The following TMEM88 variants were observed in gnomAD, a reference collection of about 807,000 sequenced individuals.
The protein encoded by TMEM88 is transmembrane protein 88.
TMEM88 carries 8 observed loss-of-function variants against 10.0 expected under a neutral mutation model. That is an observed-to-expected ratio of 0.80 (90% CI 0.47 to 1.44). The LOEUF is 1.44. Among genes scored for constraint, TMEM88 ranks in the 40% most tolerant of loss-of-function variants. The probability of loss-of-function intolerance (pLI) is 0.00; values close to 1 mark genes in which losing one functional copy is unlikely to be tolerated. For synonymous variants in TMEM88, 139 were observed against 104.9 expected, an observed-to-expected ratio of 1.33 and a Z score of -1.99; for missense variants, 255 against 217.8, an observed-to-expected ratio of 1.17 and a Z score of -1.07.
chr17:7,855,702 G>T lies in TMEM88; in HGVS notation c.468G>T (p.Lys156Asn), dbSNP rs769062051. The T allele has an allele frequency of 1.0e-5, 16 of 1,572,178 alleles. No individual in the cohort carries two copies. The highest frequency in any genetic ancestry group is 1.7e-4 in the Middle Eastern group (1 of 5,946). The change falls in exon 2 of 2, where the codon AAG becomes AAT. Residue 156 changes from lysine to asparagine, a missense_variant. Transcript: ENST00000301599. Reference protein sequence around the residue: ...PGSQAVPTSGKVWV With the variant: ...PGSQAVPTSGNVWV The stretch of plus-strand genomic sequence containing the variant: ...CCCAGGCCGTTCCCACATCAGGAAA[G>T]GTCTGGGTCTAATGACCCTCGAGTC...
rs373234979 is a variant in TMEM88 at position 7,855,103 on chromosome 17, C to T, written c.29C>T (p.Ala10Val). The T allele has an allele frequency of 2.5e-6, 4 of 1,605,852 alleles. No homozygotes were observed. Among genetic ancestry groups the T allele is most frequent in the Non-Finnish European group, 3.4e-6 (4 of 1,179,588 alleles). MADVPGAQR[A>V]VPGDGPEPRD... ...GCGGATGTCCCCGGGGCACAGCGAG[C>T]GGTTCCTGGTGACGGCCCAGAGCCC... The change falls in exon 1 of 2, where the codon GCG (alanine) becomes GTG (valine). Residue 10 changes from alanine (A) to valine (V), a missense_variant. Coordinates refer to ENST00000301599, the MANE Select transcript of TMEM88 (RefSeq NM_203411.2).
rs1186122612 is a variant in TMEM88 at position 7,855,855 on chromosome 17, T to A, written c.*141T>A. On this transcript the variant is annotated 3_prime_UTR_variant, in exon 2 of 2. Transcript: ENST00000301599. ...TAGCATCCCCTTGGGAGCAGCAGCG[T>A]CAGTGGACCCAGTGCTGAGAAAAGC... 9.9e-6 allele frequency: 14 copies of A among 1,420,658 alleles called. No homozygotes were observed. Among genetic ancestry groups the A allele is most frequent in the Non-Finnish European group, 1.2e-5 (13 of 1,090,424 alleles). 88.0% of individuals were successfully genotyped at this position (1,420,658 alleles called of 1,614,324 possible). A position where few individuals can be genotyped will look rare whatever the true frequency, so the allele number is the denominator to read the frequency against.
At position 7,855,957 on chromosome 17, in the gene TMEM88, C is replaced by A. The variant is rs913829218; in HGVS notation, c.*243C>A. The A allele has an allele frequency of 9.1e-6, 12 of 1,313,096 alleles. No individual in the cohort carries two copies. The highest frequency in any genetic ancestry group is 1.1e-5 in the Non-Finnish European group (11 of 1,032,736). The allele number at this position is 1,313,096 out of a possible 1,614,324, so 81.3% of individuals were successfully genotyped here. A position where few individuals can be genotyped will look rare whatever the true frequency, so the allele number is the denominator to read the frequency against. On this transcript the variant is annotated 3_prime_UTR_variant, in exon 2 of 2. Coordinates refer to ENST00000301599, the MANE Select transcript of TMEM88 (RefSeq NM_203411.2). Reference sequence around the variant, plus strand: ...GAACATCTAGGCTGGAACCTGCACACCTCCCCCTCAGCTCCGTCGTGAATG... The same window carrying A: ...GAACATCTAGGCTGGAACCTGCACAACTCCCCCTCAGCTCCGTCGTGAATG...
Position 7,855,467 on chromosome 17 carries a change from C to G in TMEM88, c.233C>G (p.Pro78Arg), listed in dbSNP as rs1473972260. The change falls in exon 2 of 2, where the codon CCT (proline) becomes CGT (arginine). Residue 78 changes from proline (P) to arginine (R), a missense_variant. Pro to Arg is a moderately radical substitution (Grantham distance 103). Transcript: ENST00000301599. ...HSQFLRSQAP[P>R]CTAHLRDPGF... The stretch of plus-strand genomic sequence containing the variant: ...CAGTTCCTGCGCTCCCAGGCACCCC[C>G]TTGCACCGCGCACCTGCGGGACCCC... 1 of 1,606,102 alleles carries G rather than the reference C, an allele frequency of 6.2e-7. No individual in the cohort carries two copies. The highest frequency in any genetic ancestry group is 8.5e-7 in the Non-Finnish European group (1 of 1,179,856).
chr17:7,855,523 C>A lies in TMEM88; in HGVS notation c.289C>A (p.Leu97Met). Reference protein sequence around the residue: ...GFTALLVTGFLLLVPLLVLAL... With the variant: ...GFTALLVTGFMLLVPLLVLAL... ...CACGGCCCTACTGGTCACCGGATTC[C>A]TGCTCCTCGTGCCGCTGCTCGTGCT... Residue 97 changes from leucine (L) to methionine (M), a missense_variant, in exon 2 of 2, where the codon CTG becomes ATG. By Grantham distance (15) the Leu-to-Met change is conservative. Coordinates refer to ENST00000301599, the MANE Select transcript of TMEM88 (RefSeq NM_203411.2). 6.2e-7 allele frequency: 1 copy of A among 1,609,012 alleles called. No homozygotes were observed. The highest frequency in any genetic ancestry group is 8.5e-7 in the Non-Finnish European group (1 of 1,179,936).
At chr17:7,855,385 T>C (rs2078793535) in intron 1 of TMEM88, 60 bp from the exon 2 acceptor site, 1 of 1,592,768 alleles carries the variant, frequency 6.3e-7, no homozygotes, top group African/African-American at 1.3e-5. Flanking sequence ...GCCTGGGCTG[T>C]TTCCACCCCG....
rs1338207077 is a variant in TMEM88 at position 7,855,134 on chromosome 17, C to A, written c.60C>A (p.Asp20Glu). 6.2e-7 allele frequency: 1 copy of A among 1,610,846 alleles called. No individual in the cohort carries two copies. The highest frequency in any genetic ancestry group is 1.7e-5 in the Admixed American group (1 of 59,880). Residue 20 changes from aspartate to glutamate, a missense_variant, in exon 1 of 2, where the codon GAC becomes GAA. By Grantham distance (45) the Asp-to-Glu change is conservative (BLOSUM62 2). Transcript: ENST00000301599. ...CTGGTGACGGCCCAGAGCCCCGGGA[C>A]CCCCTGGACTGTTGGGCCTGCGCTG... ...AVPGDGPEPR[D>E]PLDCWACAVL...
chr17:7,855,888 T>C lies in TMEM88; in HGVS notation c.*174T>C. ...CCCAGTGCTGAGAAAAGCCCCCACATCCCGGAAAACCCACTTTCCTTTCAC... is the reference window on the plus strand; with the variant it reads ...CCCAGTGCTGAGAAAAGCCCCCACACCCCGGAAAACCCACTTTCCTTTCAC... On this transcript the variant is annotated 3_prime_UTR_variant, in exon 2 of 2. Coordinates refer to ENST00000301599, the MANE Select transcript of TMEM88 (RefSeq NM_203411.2). The C allele has an allele frequency of 7.2e-7, 1 of 1,390,352 alleles. No individual in the cohort carries two copies. Among genetic ancestry groups the C allele is most frequent in the Non-Finnish European group, 9.3e-7 (1 of 1,075,360 alleles). 86.1% of individuals were successfully genotyped at this position (1,390,352 alleles called of 1,614,324 possible). A position where few individuals can be genotyped will look rare whatever the true frequency, so the allele number is the denominator to read the frequency against.
chr17:7,855,836 C>T lies in TMEM88; in HGVS notation c.*122C>T. The T allele has an allele frequency of 1.4e-6, 2 of 1,424,716 alleles. No homozygotes were observed. The highest frequency in any genetic ancestry group is 1.5e-5 in the South Asian group (1 of 66,632). The allele number at this position is 1,424,716 out of a possible 1,614,324, so 88.3% of individuals were successfully genotyped here. A position where few individuals can be genotyped will look rare whatever the true frequency, so the allele number is the denominator to read the frequency against. ...CCCTGCCTGAGCGGAGTCCTAGCAT[C>T]CCCTTGGGAGCAGCAGCGTCAGTGG... On this transcript the variant is annotated 3_prime_UTR_variant, in exon 2 of 2. Coordinates refer to ENST00000301599, the MANE Select transcript of TMEM88 (RefSeq NM_203411.2).
rs878898998 is a variant in TMEM88 at position 7,855,173 on chromosome 17, C to G, written c.99C>G (p.Ala33=). The part of the protein sequence containing the change: ...DCWACAVLVT[A]QNLLVAAFNL... The stretch of plus-strand genomic sequence containing the variant: ...GGGCCTGCGCTGTTCTTGTAACAGC[C>G]CAGAATCTGCTGGTGGCTGCCTTCA... The change falls in exon 1 of 2, where the codon GCC becomes GCG. Residue 33 remains alanine (A), a synonymous_variant. Coordinates refer to ENST00000301599, the MANE Select transcript of TMEM88 (RefSeq NM_203411.2). 6.2e-7 allele frequency: 1 copy of G among 1,611,056 alleles called. No homozygotes were observed.
At position 7,855,435 on chromosome 17, in the gene TMEM88, T is replaced by A; in HGVS notation, c.211-10T>A. 6.2e-7 allele frequency: 1 copy of A among 1,601,748 alleles called. No homozygotes were observed. The highest frequency in any genetic ancestry group is 8.5e-7 in the Non-Finnish European group (1 of 1,178,902). Reference sequence around the variant, plus strand: ...TGGTCGGCTTGGGCCTGACGCCTCTTCTCCCACAGTTCCTGCGCTCCCAGG... The same window carrying A: ...TGGTCGGCTTGGGCCTGACGCCTCTACTCCCACAGTTCCTGCGCTCCCAGG... On this transcript the variant is annotated splice_polypyrimidine_tract_variant and intron_variant, in intron 1 of 1. Transcript: ENST00000301599.
At position 7,856,010 on chromosome 17, in the gene TMEM88, T is replaced by C. The variant is rs1368755132; in HGVS notation, c.*296T>C. Reference sequence around the variant, plus strand: ...ACAACAATCTCGTGCCCTCGTTTTATGGTGCAGCTTCTCTAGTATTTCTGG... The same window carrying C: ...ACAACAATCTCGTGCCCTCGTTTTACGGTGCAGCTTCTCTAGTATTTCTGG... On this transcript the variant is annotated 3_prime_UTR_variant, in exon 2 of 2. Coordinates refer to ENST00000301599, the MANE Select transcript of TMEM88 (RefSeq NM_203411.2). The C allele has an allele frequency of 1.1e-5, 14 of 1,259,568 alleles. No individual in the cohort carries two copies. Among genetic ancestry groups the C allele is most frequent in the African/African-American group, 1.5e-5 (1 of 64,684 alleles). The allele number at this position is 1,259,568 out of a possible 1,614,324, so 78.0% of individuals were successfully genotyped here.
rs772546463 is a variant in TMEM88, at chr17:7,855,642, C to G, written c.408C>G (p.Ala136=). Reference sequence around the variant, plus strand: ...GAGCCCTTTATCGGCGTCGGCGCGCCCCGCAGCCGCGGCAAATCCGGGCCT... The same window carrying G: ...GAGCCCTTTATCGGCGTCGGCGCGCGCCGCAGCCGCGGCAAATCCGGGCCT... ...YSRALYRRRR[A]PQPRQIRASP... is the part of the protein sequence containing the mutation. The change falls in exon 2 of 2, where the codon GCC becomes GCG. Residue 136 remains alanine (A), a synonymous_variant. Transcript: ENST00000301599. 1.1e-5 allele frequency: 18 copies of G among 1,607,740 alleles called. No individual in the cohort carries two copies. Among genetic ancestry groups the G allele is most frequent in the Non-Finnish European group, 4.2e-6 (5 of 1,178,550 alleles).
At position 7,855,657 on chromosome 17, in the gene TMEM88, A is replaced by G. The variant is rs753298655; in HGVS notation, c.423A>G (p.Gln141=). The G allele has an allele frequency of 1.2e-6, 2 of 1,606,414 alleles. No homozygotes were observed. Among genetic ancestry groups the G allele is most frequent in the East Asian group, 2.2e-5 (1 of 44,750 alleles). ...GTCGGCGCGCCCCGCAGCCGCGGCA[A>G]ATCCGGGCCTCACCAGGGTCCCAGG... ...YRRRRAPQPR[Q]IRASPGSQAV... Residue 141 remains glutamine, a synonymous_variant, in exon 2 of 2, where the codon CAA becomes CAG. Coordinates refer to ENST00000301599, the MANE Select transcript of TMEM88 (RefSeq NM_203411.2).
rs1419004303 is a variant in TMEM88, at chr17:7,855,684, C to G, written c.450C>G (p.Ala150=). Residue 150 remains alanine, a synonymous_variant, in exon 2 of 2, where the codon GCC becomes GCG. Transcript: ENST00000301599. ...TCCGGGCCTCACCAGGGTCCCAGGC[C>G]GTTCCCACATCAGGAAAGGTCTGGG... is the stretch of plus-strand genomic sequence containing the variant. ...RQIRASPGSQ[A]VPTSGKVWV The G allele has an allele frequency of 4.4e-6, 7 of 1,594,472 alleles. No homozygotes were observed. Among genetic ancestry groups the G allele is most frequent in the Non-Finnish European group, 6.0e-6 (7 of 1,170,654 alleles).
chr17:7,856,068 TC>T lies in TMEM88; in HGVS notation c.*356del. 2.1e-6 allele frequency: 2 copies of T among 944,868 alleles called. No individual in the cohort carries two copies. Among genetic ancestry groups the T allele is most frequent in the Non-Finnish European group, 2.8e-6 (2 of 713,736 alleles). 58.5% of individuals were successfully genotyped at this position (944,868 alleles called of 1,614,324 possible). The stretch of plus-strand genomic sequence containing the variant: ...GGGCGGGGCTGGAGGGGAAGGAGTG[TC>T]CACGCATCAATAAAGATTTAACGAA... On this transcript the variant is annotated 3_prime_UTR_variant, in exon 2 of 2. Coordinates refer to ENST00000301599, the MANE Select transcript of TMEM88 (RefSeq NM_203411.2).
In TMEM88 at chr17:7,855,425, T is replaced by A. The variant is rs780845598; in HGVS notation, c.211-20T>A. ...CAGTATCGCCTGGTCGGCTTGGGCC[T>A]GACGCCTCTTCTCCCACAGTTCCTG... On this transcript the variant is annotated intron_variant, in intron 1 of 1. Coordinates refer to ENST00000301599, the MANE Select transcript of TMEM88 (RefSeq NM_203411.2). The A allele has an allele frequency of 1.7e-5, 28 of 1,600,162 alleles. No homozygotes were observed. The highest frequency in any genetic ancestry group is 2.3e-5 in the Non-Finnish European group (27 of 1,178,466).
chr17:7,855,929 C>T lies in TMEM88; in HGVS notation c.*215C>T. On this transcript the variant is annotated 3_prime_UTR_variant, in exon 2 of 2. Transcript: ENST00000301599. ...TTCCTTTCACGACCCACATCTCAATCCTGAACATCTAGGCTGGAACCTGCA... is the reference window on the plus strand; with the variant it reads ...TTCCTTTCACGACCCACATCTCAATTCTGAACATCTAGGCTGGAACCTGCA... The T allele has an allele frequency of 3.7e-6, 5 of 1,368,326 alleles. No homozygotes were observed. Among genetic ancestry groups the T allele is most frequent in the Non-Finnish European group, 4.7e-6 (5 of 1,064,112 alleles). 84.8% of individuals were successfully genotyped at this position (1,368,326 alleles called of 1,614,324 possible).
In TMEM88 at chr17:7,855,374, C is replaced by T; in HGVS notation, c.211-71C>T. On this transcript the variant is annotated intron_variant, in intron 1 of 1. Transcript: ENST00000301599. Reference sequence around the variant, plus strand: ...GGGTCTATGGGCCACAACTTCAACCCGCCTGGGCTGTTTCCACCCCGTGCA... The same window carrying T: ...GGGTCTATGGGCCACAACTTCAACCTGCCTGGGCTGTTTCCACCCCGTGCA... 1.3e-5 allele frequency: 21 copies of T among 1,590,768 alleles called. No individual in the cohort carries two copies. In the South Asian group the frequency reaches 2.1e-4, roughly 16 times the overall value.
Sources: allele counts gnomAD v4.1 joint callset, GRCh38; gene constraint gnomAD v4.1.1; transcripts MANE v1.5; gene names NCBI Gene and HGNC (gene_info 2026-07-23, HGNC 2026-07-21).